Variants in TFEC observed in about 807,000 individuals in gnomAD.
TFEC encodes the protein transcription factor EC, also known as class E basic helix-loop-helix protein 34.
Under a neutral mutation model 41.6 loss-of-function variants are expected in TFEC, and 31 were observed. The ratio of observed to expected loss-of-function variants is 0.74; its 90% confidence interval spans 0.56 to 1.01. The LOEUF (loss-of-function observed/expected upper bound fraction) is 1.01, where lower values mean the gene tolerates loss of function less well. Ranked by LOEUF, TFEC falls within the 50% of genes least tolerant of loss-of-function variation. The pLI is 0.00. For synonymous variants in TFEC, 143 were observed against 140.6 expected (o/e 1.02, Z -0.12); for missense variants, 402 against 404.1 (o/e 0.99, Z 0.04).
chr7:116,107,389 A>G lies in TFEC; in HGVS notation c.198+3319T>C, dbSNP rs969337762. 2.6e-5 allele frequency among the ~76,000 whole-genome samples: 4 copies of G among 152,332 alleles called. No homozygotes were observed. The East Asian group carries it at 7.7e-4, about 29-fold the overall frequency. Reference sequence around the variant, plus strand: ...AGGCCAAGGGCTAGACATGCGAGCCAGCAAATGTTCCCTAGAATAGTTCAC... The same window carrying G: ...AGGCCAAGGGCTAGACATGCGAGCCGGCAAATGTTCCCTAGAATAGTTCAC... On this transcript the variant is annotated intron_variant, in intron 3 of 8. Transcript: ENST00000484212.
rs75117329 is a variant in TFEC, at chr7:116,009,572, A to G, written c.-73+21061T>C. Among the ~76,000 whole-genome samples the G allele has an allele frequency of 5.7e-3, 870 of 152,230 alleles. 4 individuals are homozygous for G. The highest frequency in any genetic ancestry group is 0.02 in the African/African-American group (840 of 41,554). On this transcript the variant is annotated intron_variant, in intron 1 of 7. Coordinates refer to ENST00000265440, the MANE Select transcript of TFEC (RefSeq NM_012252.4). ...ACCCACTCTTCAAAGAATTCACAGT[A>G]TATTAGGGGAGATAAATATTTAAAC...
intron 3 of TFEC, among the ~76,000 whole-genome samples, chr7:116,078,838 AT>A (rs1797021297): frequency 6.6e-6 from 1 of 152,044 alleles, no homozygotes; most frequent in African/African-American, 2.4e-5. Flanking sequence ...TATGAAGTCA[AT>A]ATCACCCTAA....
chr7:116,090,909 T>C (rs529280335), intron 3 of TFEC, among the ~76,000 whole-genome samples: 2 of 150,876 alleles, frequency 1.3e-5, no homozygotes, highest in East Asian at 2.0e-4. Flanking sequence ...TAAGTTGGAG[T>C]TGAACAATGA....
chr7:116,023,213 C>T (rs1044447570), intron 1 of TFEC, among the ~76,000 whole-genome samples: 1 of 152,126 alleles, frequency 6.6e-6, no homozygotes, highest in African/African-American at 2.4e-5. Context: ...TTATCTATCA[C>T]ATCCAGAAAC....
chr7:115,983,742 A>T (rs1793729547), intron 2 of TFEC, among the ~76,000 whole-genome samples: 1 of 152,164 alleles, frequency 6.6e-6, no homozygotes, highest in African/African-American at 2.4e-5. Flanking sequence ...GTTATTTAGT[A>T]AATAGTAGCC....
intron 3 of TFEC, among the ~76,000 whole-genome samples, chr7:116,049,444 T>C (rs142631858): frequency 0.17 from 26,287 of 152,168 alleles, 2,367 homozygotes; most frequent in East Asian, 0.32. Context: ...ACTAAATATA[T>C]ATGCACCCAA....
intron 1 of TFEC, among the ~76,000 whole-genome samples, chr7:116,112,954 A>G (rs1524477): frequency 1 from 151,652 of 152,084 alleles, 75,613 homozygotes; most frequent in Middle Eastern, 1. Context: ...ATTTTTAGGC[A>G]TCATGAAATT....
intron 1 of TFEC, among the ~76,000 whole-genome samples, chr7:115,985,815 T>C (rs535068936): frequency 3.6e-4 from 55 of 152,114 alleles, no homozygotes; most frequent in Non-Finnish European, 5.6e-4. Context: ...AAAATGCCAG[T>C]GGTAATTTTT....
intron 1 of TFEC, among the ~76,000 whole-genome samples, chr7:116,141,126 G>A (rs758998808): frequency 6.6e-6 from 1 of 152,078 alleles, no homozygotes; most frequent in Non-Finnish European, 1.5e-5. Flanking sequence ...AAGTAAGTAA[G>A]TGCTGTAAGA....
chr7:116,012,868 T>C (rs1181041078), intron 1 of TFEC, among the ~76,000 whole-genome samples: 1 of 150,512 alleles, frequency 6.6e-6, no homozygotes, highest in Non-Finnish European at 1.5e-5. Flanking sequence ...AATGGTCTTA[T>C]ACTATCTTAG....
chr7:116,029,257 A>T (rs556957586), intron 1 of TFEC, among the ~76,000 whole-genome samples: 1 of 152,280 alleles, frequency 6.6e-6, no homozygotes, highest in African/African-American at 2.4e-5. Flanking sequence ...CTAAAAAAAA[A>T]AGTTTAAAAA....
At chr7:115,981,238 A>G (rs1037917536) in intron 2 of TFEC, among the ~76,000 whole-genome samples, 1 of 151,952 alleles carries the variant, frequency 6.6e-6, no homozygotes, top group Non-Finnish European at 1.5e-5. Context: ...TCTCTACTCA[A>G]AAAAATTATC....
At chr7:116,016,867 T>C (rs1460583428) in intron 1 of TFEC, among the ~76,000 whole-genome samples, 2 of 152,068 alleles carry the variant, frequency 1.3e-5, no homozygotes, top group Non-Finnish European at 2.9e-5. Flanking sequence ...CATCTCAATA[T>C]TTAAAATTTA....
At chr7:116,001,781 G>A (rs971084669) in intron 1 of TFEC, among the ~76,000 whole-genome samples, 1 of 151,890 alleles carries the variant, frequency 6.6e-6, no homozygotes, top group Non-Finnish European at 1.5e-5. Context: ...AATATATAAG[G>A]AGCTCAAACA....
rs989338353 is a variant in TFEC, at chr7:115,937,445, A to G, written c.*3106T>C. On this transcript the variant is annotated 3_prime_UTR_variant, in exon 8 of 8. Coordinates refer to ENST00000265440, the MANE Select transcript of TFEC (RefSeq NM_012252.4). ...AGTCTATCTTGTTTCTTAGATACTC[A>G]AATAATTTGCTTTTAAATTCACACT... The G allele has an allele frequency of 2.0e-5, 3 of 151,708 alleles. No homozygotes were observed. The highest frequency in any genetic ancestry group is 7.2e-5 in the African/African-American group (3 of 41,398). The allele number at this position is 151,708 out of a possible 1,614,324, so 9.4% of individuals were successfully genotyped here.
chr7:116,136,902 T>C (rs939199719), intron 1 of TFEC, among the ~76,000 whole-genome samples: 2 of 152,084 alleles, frequency 1.3e-5, no homozygotes, highest in Non-Finnish European at 2.9e-5. Flanking sequence ...AAGCACCATA[T>C]CTAATTCATT....
intron 1 of TFEC, among the ~76,000 whole-genome samples, chr7:116,150,489 A>G (rs1311365220): frequency 6.6e-6 from 1 of 152,114 alleles, no homozygotes; most frequent in Non-Finnish European, 1.5e-5. Context: ...TTTTGGAGAA[A>G]CTAGAACTAT....
chr7:116,064,238 C>G (rs769329865), intron 3 of TFEC, among the ~76,000 whole-genome samples: 4 of 151,498 alleles, frequency 2.6e-5, no homozygotes, highest in Non-Finnish European at 5.9e-5. Flanking sequence ...GTGTTCTCAC[C>G]ACGAAAAAGT....
chr7:115,942,572 C>T (rs1229260604), intron 6 of TFEC, among the ~76,000 whole-genome samples: 1 of 152,036 alleles, frequency 6.6e-6, no homozygotes, highest in East Asian at 1.9e-4. Context: ...GGCAACATCA[C>T]TTTATGTAAT....
Sources: gnomAD v4.1 joint callset for allele counts (sites outside exome capture counted in the v4.1 genomes callset) on GRCh38, gnomAD v4.1.1 for gene constraint, MANE v1.5 for transcripts, NCBI Gene and HGNC (gene_info 2026-07-23, HGNC 2026-07-21) for gene names.